Variants in PCDHGB3 observed in about 807,000 individuals in gnomAD.
PCDHGB3 encodes the protein protocadherin gamma-B3.
A neutral mutation model predicts 59.2 loss-of-function variants in PCDHGB3; 40 were observed. That is an observed-to-expected ratio of 0.68 (90% confidence interval 0.52 to 0.88). The LOEUF (loss-of-function observed/expected upper bound fraction) is 0.88. Ranked by LOEUF, PCDHGB3 falls within the 40% of genes least tolerant of loss-of-function variation. PCDHGB3 has a pLI of 0.00. For synonymous variants in PCDHGB3, 581 were observed against 503.6 expected (o/e 1.15, Z -2.06); for missense variants, 1,309 against 1,187.9 (o/e 1.10, Z -1.50).
At chr5:141,376,180 G>A (rs113596971) in intron 1 of PCDHGB3, 2 of 1,614,100 alleles carry the variant, frequency 1.2e-6, no homozygotes, top group Non-Finnish European at 8.5e-7. Context: ...CGGTGGCCGC[G>A]GTCTCCTGCG....
chr5:141,375,744 A>G lies in PCDHGB3; in HGVS notation c.2415+2935A>G, dbSNP rs573966652. The G allele has an allele frequency of 9.3e-6, 15 of 1,614,188 alleles. No individual in the cohort carries two copies. The South Asian group carries it at 1.6e-4, about 18-fold the overall frequency. ...GTGTCACTGAGCCTGTTTGTGCTGGACCAGAATGACAATGCGCCCGAGATC... is the reference window on the plus strand; with the variant it reads ...GTGTCACTGAGCCTGTTTGTGCTGGGCCAGAATGACAATGCGCCCGAGATC... On this transcript the variant is annotated intron_variant, in intron 1 of 3. Transcript: ENST00000576222.
At chr5:141,423,448 T>A (rs780751840) in intron 1 of PCDHGB3, 1 of 1,613,992 alleles carries the variant, frequency 6.2e-7, no homozygotes, top group East Asian at 2.2e-5. Context: ...CACGTCACAT[T>A]TTGTAGGCGT....
intron 1 of PCDHGB3, among the ~76,000 whole-genome samples, chr5:141,474,357 T>G (rs185194067): frequency 2.0e-4 from 30 of 152,302 alleles, no homozygotes; most frequent in African/African-American, 6.5e-4. Context: ...AAGTCATGTC[T>G]CAGTAGGTCT....
chr5:141,503,213 A>G (rs1368413073), intron 2 of PCDHGB3, among the ~76,000 whole-genome samples: 1 of 152,100 alleles, frequency 6.6e-6, no homozygotes, highest in Non-Finnish European at 1.5e-5. Flanking sequence ...AGTGCCCACC[A>G]TGAGCACCGT....
At chr5:141,464,611 A>G (rs2099087451) in intron 1 of PCDHGB3, among the ~76,000 whole-genome samples, 3 of 152,194 alleles carry the variant, frequency 2.0e-5, no homozygotes, top group African/African-American at 7.2e-5. Context: ...TTTGCAGAGT[A>G]TATTGTCAAG....
intron 1 of PCDHGB3, chr5:141,423,757 G>T (rs562479446): frequency 7.3e-5 from 29 of 395,130 alleles, no homozygotes; most frequent in Non-Finnish European, 9.5e-5. Flanking sequence ...GTTTGGGGGG[G>T]GGGTGGGGCG....
At chr5:141,404,771 C>A in intron 1 of PCDHGB3, 2 of 1,613,870 alleles carry the variant, frequency 1.2e-6, no homozygotes, top group African/African-American at 1.3e-5. Context: ...GCTCTCCTAC[C>A]GCCTATTCAA....
Position 141,486,662 on chromosome 5 carries a change from C to T in PCDHGB3, c.2416-8145C>T. 6.2e-7 allele frequency: 1 copy of T among 1,613,970 alleles called. No homozygotes were observed. The highest frequency in any genetic ancestry group is 1.1e-5 in the South Asian group (1 of 91,086). ...GCTTATCTCCTACTCACTCCTGGAG[C>T]CCAGGAATCGAGATGTATCAGCTTC... On this transcript the variant is annotated intron_variant, in intron 1 of 3. Coordinates refer to ENST00000576222, the MANE Select transcript of PCDHGB3 (RefSeq NM_018924.5). The surrounding 1 kb of genome is among the most constrained non-coding windows in gnomAD (Gnocchi z 5.0).
chr5:141,420,974 T>C, intron 1 of PCDHGB3: 1 of 460,696 alleles, frequency 2.2e-6, no homozygotes, highest in Non-Finnish European at 3.8e-6. Flanking sequence ...ATAATAAGAA[T>C]GGGCTCTAGG....
rs2154576188 is a variant in PCDHGB3 at position 141,477,933 on chromosome 5, T to C, written c.2416-16874T>C. ...GCGGATGCAGGGCACAATGCCTGGCTCTCCTACAGTCTCTTGGGATCCCCT... is the reference window on the plus strand; with the variant it reads ...GCGGATGCAGGGCACAATGCCTGGCCCTCCTACAGTCTCTTGGGATCCCCT... On this transcript the variant is annotated intron_variant, in intron 1 of 3. Coordinates refer to ENST00000576222, the MANE Select transcript of PCDHGB3 (RefSeq NM_018924.5). The surrounding 1 kb of genome is among the most constrained non-coding windows in gnomAD (Gnocchi z 4.9). 1.2e-6 allele frequency: 2 copies of C among 1,614,112 alleles called. No homozygotes were observed. Among genetic ancestry groups the C allele is most frequent in the Non-Finnish European group, 1.7e-6 (2 of 1,180,022 alleles).
At chr5:141,384,371 T>G (rs1780015620) in intron 1 of PCDHGB3, 2 of 1,613,920 alleles carry the variant, frequency 1.2e-6, no homozygotes, top group Non-Finnish European at 1.7e-6. Context: ...ACTTATTCCT[T>G]GGCCGAAGAC....
intron 1 of PCDHGB3, chr5:141,422,399 T>A: frequency 1.3e-6 from 2 of 1,598,374 alleles, no homozygotes; most frequent in Non-Finnish European, 1.7e-6. Context: ...CCTAACCACC[T>A]GCCTTTTAAA....
chr5:141,501,475 G>A (rs1305778190), intron 2 of PCDHGB3, among the ~76,000 whole-genome samples: 5 of 152,014 alleles, frequency 3.3e-5, no homozygotes, highest in Admixed American at 3.3e-4. Flanking sequence ...AATCCTGGAA[G>A]AGTCCCTCAT....
chr5:141,474,083 A>G (rs771906750), intron 1 of PCDHGB3, among the ~76,000 whole-genome samples: 2 of 152,190 alleles, frequency 1.3e-5, no homozygotes, highest in African/African-American at 2.4e-5. Flanking sequence ...AACAAAAACC[A>G]AAAAACAAAC....
chr5:141,418,862 G>C (rs749632113), intron 1 of PCDHGB3: 1 of 1,613,994 alleles, frequency 6.2e-7, no homozygotes, highest in Non-Finnish European at 8.5e-7. Context: ...TAAAGTAATT[G>C]TAGAAGTTGT....
Position 141,432,485 on chromosome 5 carries a change from G to C in PCDHGB3, c.2415+59676G>C. 6.2e-7 allele frequency: 1 copy of C among 1,614,186 alleles called. No individual in the cohort carries two copies. The highest frequency in any genetic ancestry group is 8.5e-7 in the Non-Finnish European group (1 of 1,180,040). On this transcript the variant is annotated intron_variant, in intron 1 of 3. Coordinates refer to ENST00000576222, the MANE Select transcript of PCDHGB3 (RefSeq NM_018924.5). The surrounding 1 kb of genome is among the most constrained non-coding windows in gnomAD (Gnocchi z 6.0). ...CCCCACGGACGGTTCCACTGGCGTG[G>C]AGCTGGCTCCCCGCTCCGCAGAGCC...
At chr5:141,478,675 G>T in intron 1 of PCDHGB3, 1 of 1,551,574 alleles carries the variant, frequency 6.4e-7, no homozygotes, top group Non-Finnish European at 8.7e-7. Flanking sequence ...ACTTTCAACT[G>T]GCCCTTCCTA....
intron 1 of PCDHGB3, chr5:141,484,903 G>A: frequency 2.5e-6 from 1 of 407,434 alleles, no homozygotes; most frequent in Non-Finnish European, 4.4e-6. Context: ...CTCCAATGCT[G>A]CGACGCATTA....
intron 1 of PCDHGB3, chr5:141,391,427 A>G (rs1374909206): frequency 1.3e-5 from 2 of 151,516 alleles, no homozygotes; most frequent in Non-Finnish European, 2.9e-5. Flanking sequence ...TTCCTTCTGC[A>G]TCAGCCTCCT....
Sources: gnomAD v4.1 joint callset for allele counts (sites outside exome capture counted in the v4.1 genomes callset) on GRCh38, gnomAD v4.1.1 for gene constraint, Gnocchi (gnomAD v3.1) non-coding constraint, MANE v1.5 for transcripts, NCBI Gene and HGNC (gene_info 2026-07-23, HGNC 2026-07-21) for gene names.